TSNARE1: variants seen among roughly 807,000 people sequenced by gnomAD.
The protein encoded by TSNARE1 is t-SNARE domain containing 1.
In TSNARE1, 49 loss-of-function variants were observed where a neutral mutation model predicts 62.0. The observed-to-expected ratio is 0.79, with a 90% CI of 0.63 to 1.00. The LOEUF (loss-of-function observed/expected upper bound fraction) is 1.00, where lower values mean the gene tolerates loss of function less well. TSNARE1 is among the 50% of genes least tolerant of loss of function. The pLI, the probability that TSNARE1 is intolerant of heterozygous loss-of-function variation, is 0.00. For synonymous variants in TSNARE1, 328 were observed against 294.4 expected (o/e 1.11, Z -1.17); for missense variants, 755 against 700.1 (o/e 1.08, Z -0.88).
chr8:142,280,581 T>G (rs1303526635), intron 11 of TSNARE1, among the ~76,000 whole-genome samples: 1 of 152,140 alleles, frequency 6.6e-6, no homozygotes, highest in Non-Finnish European at 1.5e-5. Flanking sequence ...CAGCCCTGGT[T>G]TGTCCCCCTC....
chr8:142,221,956 C>T (rs1196912323), intron 13 of TSNARE1, among the ~76,000 whole-genome samples: 1 of 149,486 alleles, frequency 6.7e-6, no homozygotes, highest in Non-Finnish European at 1.5e-5. Flanking sequence ...CACTCATCCA[C>T]TCACTCATCC....
intron 12 of TSNARE1, among the ~76,000 whole-genome samples, chr8:142,230,235 CA>C (rs1396782790): frequency 6.6e-6 from 1 of 152,104 alleles, no homozygotes; most frequent in Non-Finnish European, 1.5e-5. Flanking sequence ...CTCGGCAGAC[CA>C]GGGGGTGAGA....
In TSNARE1 at chr8:142,344,401, C is replaced by T. The variant is rs1328490455; in HGVS notation, c.310G>A (p.Asp104Asn). 7 of 1,587,470 alleles carry T rather than the reference C, an allele frequency of 4.4e-6. No homozygotes were observed. The highest frequency in any genetic ancestry group is 6.0e-6 in the Non-Finnish European group (7 of 1,168,494). ...CGGCCATGGGGCCCAGCAGCCGAGT[C>T]CTTCCTCGGGCCAATGGTGGGTGAT... ...TSSPTIGPRKDSAAGPHGRMA... is the reference protein window; with the variant it reads ...TSSPTIGPRKNSAAGPHGRMA... The change falls in exon 4 of 14, where the codon GAC (aspartate) becomes AAC (asparagine). Residue 104 changes from aspartate (D) to asparagine (N), a missense_variant. Transcript: ENST00000524325.
chr8:142,274,929 C>G (rs546567129), intron 11 of TSNARE1, 66 bp from the exon 12 acceptor site: 643 of 1,422,868 alleles, frequency 4.5e-4, no homozygotes, highest in Non-Finnish European at 4.7e-4. Context: ...CTGAGGACAC[C>G]CCCCAAAGGC....
intron 2 of TSNARE1, among the ~76,000 whole-genome samples, chr8:142,351,869 A>G (rs1410178445): frequency 1.3e-5 from 2 of 152,218 alleles, no homozygotes; most frequent in African/African-American, 4.8e-5. Flanking sequence ...GAGAAAAACA[A>G]CATCACAGCT....
At chr8:142,334,502 G>A (rs75976390) in intron 4 of TSNARE1, among the ~76,000 whole-genome samples, 1,542 of 151,242 alleles carry the variant, frequency 0.01, 22 homozygotes, top group African/African-American at 0.035. Flanking sequence ...GGCAGCAGGG[G>A]GGACGGGACA....
chr8:142,361,266 G>A (rs779834692), intron 1 of TSNARE1, among the ~76,000 whole-genome samples: 2 of 152,376 alleles, frequency 1.3e-5, no homozygotes, highest in South Asian at 2.1e-4. Context: ...GGGGACAGAC[G>A]GGAAAGCGGC....
intron 1 of TSNARE1, among the ~76,000 whole-genome samples, chr8:142,379,163 G>C (rs1392247504): frequency 6.6e-6 from 1 of 152,228 alleles, no homozygotes; most frequent in African/African-American, 2.4e-5. Context: ...CTCAGCAGCA[G>C]ATGCGGCCTC....
intron 9 of TSNARE1, among the ~76,000 whole-genome samples, chr8:142,311,289 A>AGTTTTTTTTTT (rs1827546591): frequency 2.9e-5 from 2 of 68,798 alleles, no homozygotes; most frequent in African/African-American, 1.5e-4. Context: ...CAGCCTCTCT[A>AGTTTTTTTTTT]GTTTTTTTTT....
intron 13 of TSNARE1, among the ~76,000 whole-genome samples, chr8:142,219,793 G>C (rs935086984): frequency 6.6e-6 from 1 of 152,180 alleles, no homozygotes; most frequent in Non-Finnish European, 1.5e-5. Context: ...GGCCTCAGCC[G>C]TCCTTCTGGC....
chr8:142,273,014 G>A (rs1230621709), intron 12 of TSNARE1: 3 of 985,360 alleles, frequency 3.0e-6, no homozygotes, highest in Non-Finnish European at 1.2e-6. Flanking sequence ...AGTCTATGCA[G>A]AGGTGACTTC....
At chr8:142,322,200 C>T (rs1586794788) in intron 6 of TSNARE1, among the ~76,000 whole-genome samples, 1 of 152,194 alleles carries the variant, frequency 6.6e-6, no homozygotes, top group Admixed American at 6.5e-5. Flanking sequence ...ATTCAACACT[C>T]ATTTTAGACT....
intron 4 of TSNARE1, among the ~76,000 whole-genome samples, chr8:142,336,767 G>C (rs1007107460): frequency 2.0e-5 from 3 of 152,142 alleles, no homozygotes; most frequent in African/African-American, 7.2e-5. Context: ...CTCTATTTTA[G>C]GCCATAAAGC....
chr8:142,379,347 G>T (rs1047906559), intron 1 of TSNARE1, among the ~76,000 whole-genome samples: 7 of 152,226 alleles, frequency 4.6e-5, no homozygotes, highest in Non-Finnish European at 1.0e-4. Flanking sequence ...CCAGTGAGCA[G>T]CAGCTCTGCA....
At chr8:142,348,060 T>C (rs1283702344) in intron 2 of TSNARE1, among the ~76,000 whole-genome samples, 2 of 152,186 alleles carry the variant, frequency 1.3e-5, no homozygotes, top group African/African-American at 2.4e-5. Context: ...CTGTTTGCTT[T>C]TGAATAGAAT....
intron 11 of TSNARE1, chr8:142,277,417 T>C (rs1041828434): frequency 8.9e-5 from 88 of 985,274 alleles, no homozygotes; most frequent in Non-Finnish European, 1.0e-4. Flanking sequence ...GTCAACTCGC[T>C]GCCCCCAGCC....
chr8:142,237,929 G>C lies in TSNARE1; in HGVS notation c.1447-8350C>G, dbSNP rs541644734. 3.3e-5 allele frequency among the ~76,000 whole-genome samples: 5 copies of C among 152,286 alleles called. No individual in the cohort carries two copies. In the South Asian group the frequency reaches 1.0e-3, roughly 32 times the overall value. On this transcript the variant is annotated intron_variant, in intron 12 of 13. Transcript: ENST00000524325. ...GTTGGGGGAAGGCAAGTCTACCAGA[G>C]ACAAGGATCTCCTGTACCTCCCGTT...
chr8:142,280,199 T>C, intron 11 of TSNARE1: 2 of 985,382 alleles, frequency 2.0e-6, no homozygotes, highest in Non-Finnish European at 2.4e-6. Flanking sequence ...GGCTTGCGTG[T>C]CTTGGTGCGG....
In TSNARE1 at chr8:142,332,615, A is replaced by G. The variant is rs1831214251; in HGVS notation, c.746-784T>C. ...AACACTATGAGGACAGCAAGTCCTC[A>G]TGAGGACATGGTGGATGGAACGCTC... On this transcript the variant is annotated intron_variant, in intron 4 of 13. Transcript: ENST00000524325. 2.0e-5 allele frequency among the ~76,000 whole-genome samples: 3 copies of G among 152,332 alleles called. No individual in the cohort carries two copies. The South Asian group carries it at 6.2e-4, about 32-fold the overall frequency.
Sources: gnomAD v4.1 joint callset for allele counts (sites outside exome capture counted in the v4.1 genomes callset) on GRCh38, gnomAD v4.1.1 for gene constraint, MANE v1.5 for transcripts, NCBI Gene and HGNC (gene_info 2026-07-23, HGNC 2026-07-21) for gene names.